Variants in RGS6 observed in about 807,000 individuals in gnomAD.
The protein encoded by RGS6 is regulator of G protein signaling 6, also known as regulator of G-protein signaling 6.
RGS6 carries 30 observed loss-of-function variants against 78.5 expected under a neutral mutation model. The observed-to-expected ratio is 0.38, with a 90% CI of 0.29 to 0.52. RGS6 has a LOEUF of 0.52. Ranked by LOEUF, RGS6 falls within the 20% of genes least tolerant of loss-of-function variation. The probability of loss-of-function intolerance (pLI) is 0.85; values close to 1 mark genes in which losing one functional copy is unlikely to be tolerated. For missense variants in RGS6, 495 were observed against 609.7 expected (o/e 0.81, Z 1.98); for synonymous variants, 206 against 206.0 (o/e 1.00, Z 0.00).
intron 2 of RGS6, among the ~76,000 whole-genome samples, chr14:71,984,249 T>G (rs1014909014): frequency 1.3e-5 from 2 of 150,740 alleles, no homozygotes; most frequent in African/African-American, 4.9e-5. Flanking sequence ...TGAATCTAGA[T>G]TTGTTGTATT....
At chr14:72,242,597 G>T (rs1323371668) in intron 2 of RGS6, among the ~76,000 whole-genome samples, 1 of 152,048 alleles carries the variant, frequency 6.6e-6, no homozygotes, top group African/African-American at 2.4e-5. Flanking sequence ...TGCCGTTTTT[G>T]ACAGGTAAAT....
chr14:71,983,201 A>G (rs926678959), intron 2 of RGS6, among the ~76,000 whole-genome samples: 1 of 152,220 alleles, frequency 6.6e-6, no homozygotes, highest in Non-Finnish European at 1.5e-5. Flanking sequence ...AAGTCACCAC[A>G]GTAACAGAAT....
At chr14:72,512,496 G>C (rs1359435866) in intron 14 of RGS6, among the ~76,000 whole-genome samples, 1 of 152,174 alleles carries the variant, frequency 6.6e-6, no homozygotes, top group Non-Finnish European at 1.5e-5. Flanking sequence ...ATGCCAGGAG[G>C]GCTACATTTA....
chr14:72,618,329 GCTGCAGCCCC>G, the RGS6 span, among the ~76,000 whole-genome samples: 4 of 152,218 alleles, frequency 2.6e-5, no homozygotes, highest in Non-Finnish European at 1.5e-5. Flanking sequence ...GTTTCTCAAA[GCTGCAGCCCC>G]CTGTATCCAG....
At chr14:72,461,842 C>T (rs1010159642) in intron 6 of RGS6, among the ~76,000 whole-genome samples, 5 of 152,190 alleles carry the variant, frequency 3.3e-5, no homozygotes, top group Admixed American at 1.3e-4. Flanking sequence ...TACTTAACCT[C>T]TCTGTGCCTC....
intron 5 of RGS6, among the ~76,000 whole-genome samples, chr14:72,459,230 A>G (rs528838660): frequency 9.3e-4 from 141 of 152,310 alleles, no homozygotes; most frequent in Admixed American, 1.8e-3. Flanking sequence ...ATGAGGGCAG[A>G]GGATATGGGC....
intron 2 of RGS6, among the ~76,000 whole-genome samples, chr14:72,132,897 A>AG (rs2153595303): frequency 6.6e-6 from 1 of 151,644 alleles, no homozygotes; most frequent in South Asian, 2.1e-4. Context: ...TTTTGTTCGT[A>AG]GGGAAGATTC....
chr14:72,320,910 T>C (rs1432962294), intron 2 of RGS6, among the ~76,000 whole-genome samples: 3 of 149,798 alleles, frequency 2.0e-5, no homozygotes, highest in East Asian at 3.9e-4. Context: ...TTTACTGAAG[T>C]ATATTAGTAA....
At chr14:72,296,147 G>A (rs1005790476) in intron 2 of RGS6, among the ~76,000 whole-genome samples, 5 of 152,200 alleles carry the variant, frequency 3.3e-5, no homozygotes, top group Admixed American at 2.0e-4. Context: ...GTTTCACTTA[G>A]CATAATATTT....
chr14:72,401,815 C>T (rs2092434434), intron 3 of RGS6, among the ~76,000 whole-genome samples: 1 of 152,208 alleles, frequency 6.6e-6, no homozygotes, highest in African/African-American at 2.4e-5. Context: ...TCTTGCCAAA[C>T]ATCCTGAGGT....
chr14:71,884,645 A>G, the RGS6 span, among the ~76,000 whole-genome samples: 1 of 152,124 alleles, frequency 6.6e-6, no homozygotes, highest in Non-Finnish European at 1.5e-5. Flanking sequence ...CTAAGCCAAG[A>G]CACACTTTGT....
chr14:72,210,706 C>T (rs1054332822), intron 2 of RGS6, among the ~76,000 whole-genome samples: 2 of 152,128 alleles, frequency 1.3e-5, no homozygotes, highest in Admixed American at 6.6e-5. Context: ...TGGTCTTCTG[C>T]TTTTTCCTTT....
the RGS6 span, among the ~76,000 whole-genome samples, chr14:71,917,492 A>G: frequency 3.9e-5 from 6 of 152,308 alleles, no homozygotes; most frequent in East Asian, 1.2e-3. Context: ...ATGTCAAGCA[A>G]CAGGAGGTTT....
chr14:71,961,188 G>C (rs2093168125), intron 1 of RGS6, among the ~76,000 whole-genome samples: 1 of 152,208 alleles, frequency 6.6e-6, no homozygotes, highest in East Asian at 1.9e-4. Context: ...ATTGAGTGCT[G>C]TCATGAATAG....
intron 14 of RGS6, among the ~76,000 whole-genome samples, chr14:72,512,580 A>T (rs1014343001): frequency 1.3e-5 from 2 of 152,230 alleles, no homozygotes; most frequent in South Asian, 2.1e-4. Flanking sequence ...GAATGCAGAA[A>T]TCCAGACTTC....
chr14:72,585,660 G>C, the RGS6 span, among the ~76,000 whole-genome samples: 4 of 152,232 alleles, frequency 2.6e-5, no homozygotes, highest in Non-Finnish European at 4.4e-5. Context: ...GCTGTCTTCA[G>C]CCAAGGGCAA....
intron 3 of RGS6, among the ~76,000 whole-genome samples, chr14:72,452,567 G>A (rs984132115): frequency 1.3e-5 from 2 of 152,222 alleles, no homozygotes; most frequent in Non-Finnish European, 2.9e-5. Context: ...TTTCTGGGAA[G>A]AGGGCAATCC....
At chr14:72,131,883 C>A (rs2096326357) in intron 2 of RGS6, among the ~76,000 whole-genome samples, 1 of 152,148 alleles carries the variant, frequency 6.6e-6, no homozygotes, top group African/African-American at 2.4e-5. Context: ...CACCATGGGG[C>A]TAGGCTCCAC....
At chr14:72,489,158 C>CCT (rs2096540621) in intron 12 of RGS6, among the ~76,000 whole-genome samples, 1 of 148,264 alleles carries the variant, frequency 6.7e-6, no homozygotes, top group African/African-American at 2.5e-5. Context: ...CAAAGGGGGC[C>CCT]CCCCCACCGG....
Sources: allele counts gnomAD v4.1 joint callset (sites outside exome capture counted in the v4.1 genomes callset), GRCh38; gene constraint gnomAD v4.1.1; transcripts MANE v1.5; gene names NCBI Gene and HGNC (gene_info 2026-07-23, HGNC 2026-07-21).